Variants in PMPCB observed in about 807,000 individuals in gnomAD.
The protein encoded by PMPCB is peptidase, mitochondrial processing subunit beta.
Under a neutral mutation model 61.5 loss-of-function variants are expected in PMPCB, and 46 were observed. The observed-to-expected ratio is 0.75, with a 90% confidence interval of 0.59 to 0.96. The LOEUF is 0.96. Among genes scored for constraint, PMPCB ranks in the 40% least tolerant of loss-of-function variants. The pLI, the probability that PMPCB is intolerant of heterozygous loss-of-function variation, is 0.00. For missense variants in PMPCB, 590 were observed against 602.4 expected (o/e 0.98, Z 0.22); for synonymous variants, 191 against 201.6 (o/e 0.95, Z 0.44).
At chr7:103,323,600 T>C (rs1454717847) in intron 12 of PMPCB, 1 of 1,471,360 alleles carries the variant, frequency 6.8e-7, no homozygotes, top group South Asian at 1.3e-5. Flanking sequence ...ATACATACCA[T>C]TCTGCTTTTT....
chr7:103,304,890 C>T (rs1195921587), intron 6 of PMPCB, among the ~76,000 whole-genome samples: 10 of 151,224 alleles, frequency 6.6e-5, no homozygotes, highest in Admixed American at 4.6e-4. Context: ...ACCCAGGAGG[C>T]GGAGGTTACA....
chr7:103,306,908 G>T (rs1817608749), intron 6 of PMPCB, among the ~76,000 whole-genome samples: 1 of 152,050 alleles, frequency 6.6e-6, no homozygotes, highest in Admixed American at 6.6e-5. Flanking sequence ...ACAGGCGCCT[G>T]CTACCATGCC....
intron 12 of PMPCB, chr7:103,324,544 A>G: frequency 6.7e-7 from 1 of 1,485,858 alleles, no homozygotes; most frequent in Middle Eastern, 1.8e-4. Context: ...GTTTAGGAAC[A>G]TTTTTTTTAT....
chr7:103,323,842 C>G (rs1025722169), intron 12 of PMPCB, among the ~76,000 whole-genome samples: 2 of 152,170 alleles, frequency 1.3e-5, no homozygotes, highest in African/African-American at 2.4e-5. Flanking sequence ...CTAAAATGCA[C>G]ATATCACTCC....
At chr7:103,300,815 G>A (rs888422802) in intron 4 of PMPCB, among the ~76,000 whole-genome samples, 1 of 152,138 alleles carries the variant, frequency 6.6e-6, no homozygotes, top group African/African-American at 2.4e-5. Flanking sequence ...CTCCTGAGTA[G>A]CTGGGATTAT....
At chr7:103,331,502 C>T (rs1367814585), downstream of PMPCB, among the ~76,000 whole-genome samples, 1 of 152,134 alleles carries the variant, frequency 6.6e-6, no homozygotes, top group African/African-American at 2.4e-5. Context: ...CTCTCTTTAT[C>T]CCTCTCCTCC....
the PMPCB span, among the ~76,000 whole-genome samples, chr7:103,339,844 G>A: frequency 2.0e-5 from 3 of 148,458 alleles, no homozygotes; most frequent in East Asian, 2.0e-4. Flanking sequence ...CTCTTCCCAC[G>A]CCCCTTTTTT....
chr7:103,334,357 T>C (rs970153180), downstream of PMPCB, among the ~76,000 whole-genome samples: 2 of 150,942 alleles, frequency 1.3e-5, no homozygotes, highest in African/African-American at 4.9e-5. Flanking sequence ...AACTCAGGAG[T>C]TCGAGACCAG....
At chr7:103,298,971 GAA>G (rs1817372153) in intron 2 of PMPCB, among the ~76,000 whole-genome samples, 1 of 152,166 alleles carries the variant, frequency 6.6e-6, no homozygotes, top group Non-Finnish European at 1.5e-5. Flanking sequence ...AATAATGAAA[GAA>G]ATATGTTTGC....
intron 12 of PMPCB, chr7:103,319,914 A>G: frequency 6.5e-7 from 1 of 1,533,322 alleles, no homozygotes; most frequent in Non-Finnish European, 9.0e-7. Flanking sequence ...ACAAAGCTGT[A>G]ATCCCAGCTA....
At chr7:103,326,171 T>C (rs1818695518) in intron 12 of PMPCB, among the ~76,000 whole-genome samples, 1 of 152,018 alleles carries the variant, frequency 6.6e-6, no homozygotes, top group Non-Finnish European at 1.5e-5. Context: ...AGAGACAGGG[T>C]TTCACCATGT....
the PMPCB span, chr7:103,341,971 TAA>T: frequency 3.9e-6 from 6 of 1,532,356 alleles, no homozygotes; most frequent in African/African-American, 2.8e-5. Flanking sequence ...TTGAAAGTGT[TAA>T]GAGAGGCTTC....
chr7:103,316,979 T>C (rs1439336946), downstream of PMPCB: 4 of 1,613,708 alleles, frequency 2.5e-6, no homozygotes, highest in South Asian at 1.1e-5. Flanking sequence ...CAGCTTCCTC[T>C]TTCTCTTTTC....
downstream of PMPCB, among the ~76,000 whole-genome samples, chr7:103,319,146 A>G (rs886640877): frequency 6.6e-6 from 1 of 152,082 alleles, no homozygotes; most frequent in African/African-American, 2.4e-5. Context: ...TCAAAAACAA[A>G]AACAAAAACA....
At chr7:103,325,460 A>AC (rs896949754) in intron 12 of PMPCB, among the ~76,000 whole-genome samples, 13 of 151,004 alleles carry the variant, frequency 8.6e-5, no homozygotes, top group African/African-American at 2.2e-4. Context: ...AAAAAAAAAA[A>AC]ACCAAAAAAC....
the PMPCB span, chr7:103,335,460 A>G: frequency 6.6e-6 from 1 of 152,072 alleles, no homozygotes; most frequent in Non-Finnish European, 1.5e-5. Context: ...TATTGTTAAC[A>G]ATCTCTACAC....
chr7:103,345,925 A>G, the PMPCB span, among the ~76,000 whole-genome samples: 3 of 151,882 alleles, frequency 2.0e-5, no homozygotes, highest in Admixed American at 6.6e-5. Context: ...AGCCTGGGTA[A>G]CAGTGAGACC....
downstream of PMPCB, chr7:103,315,804 T>A (rs1219727874): frequency 6.2e-7 from 1 of 1,613,912 alleles, no homozygotes; most frequent in Non-Finnish European, 8.5e-7. Context: ...CTGCTTGAGG[T>A]ACCACTCCAT....
the PMPCB span, among the ~76,000 whole-genome samples, chr7:103,346,174 C>T: frequency 1.3e-5 from 2 of 152,056 alleles, no homozygotes; most frequent in Non-Finnish European, 2.9e-5. Context: ...GCTCTGTCGC[C>T]CAGGCTGGAG....
Sources: gnomAD v4.1 joint callset for allele counts (sites outside exome capture counted in the v4.1 genomes callset) on GRCh38, gnomAD v4.1.1 for gene constraint, MANE v1.5 for transcripts, NCBI Gene and HGNC (gene_info 2026-07-23, HGNC 2026-07-21) for gene names.